AKAP9: variants seen among roughly 807,000 people sequenced by gnomAD.
AKAP9 encodes the protein A-kinase anchor protein 9.
A neutral mutation model predicts 488.5 loss-of-function variants in AKAP9; 311 were observed. The observed-to-expected ratio is 0.64, with a 90% CI of 0.58 to 0.70. The LOEUF is 0.70. AKAP9 is among the 30% of genes least tolerant of loss of function. The pLI, the probability that AKAP9 is intolerant of heterozygous loss-of-function variation, is 0.00. For synonymous variants in AKAP9, 1,462 were observed against 1,483.5 expected, an observed-to-expected ratio of 0.99 and a Z score of 0.33; for missense variants, 4,215 against 4,374.5, an observed-to-expected ratio of 0.96 and a Z score of 1.03.
intron 1 of AKAP9, among the ~76,000 whole-genome samples, chr7:91,949,812 T>C (rs1448123896): frequency 1.3e-5 from 2 of 152,230 alleles, no homozygotes; most frequent in East Asian, 3.8e-4. Flanking sequence ...TTTTGTAATA[T>C]GTAAAATTCC....
intron 5 of AKAP9, among the ~76,000 whole-genome samples, chr7:91,993,271 C>T (rs1798002460): frequency 2.0e-5 from 3 of 151,454 alleles, no homozygotes; most frequent in Admixed American, 1.3e-4. Context: ...CCACTGCATC[C>T]TCTGCTTCCT....
intron 26 of AKAP9, 90 bp from the exon 27 acceptor site, chr7:92,069,916 CAGATTTTGGAGCATTTTGGATTGT>C: frequency 1.1e-6 from 1 of 948,194 alleles, no homozygotes; most frequent in Non-Finnish European, 1.6e-6. Context: ...AAAAACGTTT[CAGATTTTGGAGCATTTTGGATTGT>C]AGATATCCAA....
intron 1 of AKAP9, among the ~76,000 whole-genome samples, chr7:91,952,941 T>C (rs959931410): frequency 1.3e-5 from 2 of 152,170 alleles, no homozygotes; most frequent in African/African-American, 4.8e-5. Flanking sequence ...TGCCTCAGCC[T>C]CCTGACTGAG....
intron 1 of AKAP9, among the ~76,000 whole-genome samples, chr7:91,952,371 AT>A (rs994820812): frequency 6.6e-6 from 1 of 152,240 alleles, no homozygotes; most frequent in African/African-American, 2.4e-5. Flanking sequence ...CATAAGCATT[AT>A]TTAGTTAGTA....
intron 11 of AKAP9, 58 bp downstream of exon 11, chr7:92,016,325 A>G: frequency 3.3e-6 from 4 of 1,226,958 alleles, no homozygotes; most frequent in Admixed American, 2.4e-5. Flanking sequence ...TTAATTGATG[A>G]CAGATTTTTA....
chr7:92,108,146 T>C (rs560256296), intron 48 of AKAP9, among the ~76,000 whole-genome samples: 15 of 152,338 alleles, frequency 9.8e-5, no homozygotes, highest in African/African-American at 2.2e-4. Flanking sequence ...TGTTATTTAG[T>C]GTATGCTATG....
intron 2 of AKAP9, among the ~76,000 whole-genome samples, chr7:91,974,440 C>A (rs546336726): frequency 6.6e-6 from 1 of 151,770 alleles, no homozygotes; most frequent in Admixed American, 6.6e-5. Flanking sequence ...TATATTTATC[C>A]CCTCAATTAT....
At chr7:92,016,938 A>G in intron 11 of AKAP9, 79 bp from the exon 12 acceptor site, 1 of 1,111,206 alleles carries the variant, frequency 9.0e-7, no homozygotes. Context: ...TAAGTTATAA[A>G]TAGGTGAATA....
At chr7:92,086,593 G>A (rs894709441) in intron 37 of AKAP9, among the ~76,000 whole-genome samples, 177 bp downstream of exon 37, 2 of 152,156 alleles carry the variant, frequency 1.3e-5, no homozygotes, top group African/African-American at 2.4e-5. Context: ...AAGACTGAAA[G>A]TTAATGAGCT....
intron 7 of AKAP9, among the ~76,000 whole-genome samples, chr7:91,998,352 C>A (rs185900253): frequency 6.9e-6 from 1 of 145,488 alleles, no homozygotes; most frequent in Non-Finnish European, 1.5e-5. Context: ...CCATTGGTGC[C>A]GTAGCATAGT....
chr7:92,009,863 A>G (rs1297004443), intron 8 of AKAP9, among the ~76,000 whole-genome samples: 4 of 152,132 alleles, frequency 2.6e-5, no homozygotes, highest in Non-Finnish European at 5.9e-5. Flanking sequence ...AAAAATCCAT[A>G]TGATAAATTT....
intron 8 of AKAP9, among the ~76,000 whole-genome samples, chr7:92,005,921 G>A (rs1188233698): frequency 1.3e-5 from 2 of 151,986 alleles, no homozygotes; most frequent in African/African-American, 4.8e-5. Flanking sequence ...CAACAGCCTC[G>A]GCCTCCCAAA....
In AKAP9 at chr7:92,000,898, G is replaced by A; in HGVS notation, c.981G>A (p.Lys327=). The A allele has an allele frequency of 7.0e-7, 1 of 1,435,892 alleles. No individual in the cohort carries two copies. The highest frequency in any genetic ancestry group is 9.4e-7 in the Non-Finnish European group (1 of 1,068,212). The allele number at this position is 1,435,892 out of a possible 1,614,324, so 88.9% of individuals were successfully genotyped here. ...CAAATAAAGAAGAAATACAGGAAAA[G>A]GAGACAATCATTGAAGAATTAAACA... is the stretch of plus-strand genomic sequence containing the variant. The part of the protein sequence containing the change: ...ENSNKEEIQE[K]ETIIEELNTK... Residue 327 remains lysine, a synonymous_variant, in exon 8 of 50, where the codon AAG becomes AAA. Coordinates refer to ENST00000356239, the MANE Select transcript of AKAP9 (RefSeq NM_005751.5).
At chr7:92,105,616 G>A in intron 46 of AKAP9, 62 bp from the exon 47 acceptor site, 3 of 1,192,914 alleles carry the variant, frequency 2.5e-6, no homozygotes, top group Non-Finnish European at 3.8e-6. Flanking sequence ...TGTGATTTTT[G>A]TAGGAAATGT....
chr7:91,948,668 A>T (rs567053187), intron 1 of AKAP9, among the ~76,000 whole-genome samples: 1 of 143,636 alleles, frequency 7.0e-6, no homozygotes, highest in South Asian at 2.2e-4. Flanking sequence ...CTTGAGTGCA[A>T]TGGCGCAACC....
At chr7:92,064,255 T>A (rs1319789918) in intron 24 of AKAP9, among the ~76,000 whole-genome samples, 1 of 152,110 alleles carries the variant, frequency 6.6e-6, no homozygotes, top group Non-Finnish European at 1.5e-5. Context: ...CATCTAATGT[T>A]GTTTTAAAAG....
intron 37 of AKAP9, among the ~76,000 whole-genome samples, chr7:92,087,487 T>C (rs998216659): frequency 6.6e-6 from 1 of 152,180 alleles, no homozygotes; most frequent in African/African-American, 2.4e-5. Context: ...AATTCACTTA[T>C]GAAAACTCTT....
At chr7:92,110,010 G>A (rs1446673252) in intron 49 of AKAP9, 112 bp from the exon 50 acceptor site, 2 of 820,970 alleles carry the variant, frequency 2.4e-6, no homozygotes, top group African/African-American at 1.7e-5. Context: ...GAAAAAAAGG[G>A]CTTTAAAAAA....
chr7:91,946,830 G>A (rs2130447817), intron 1 of AKAP9, among the ~76,000 whole-genome samples: 1 of 152,168 alleles, frequency 6.6e-6, no homozygotes, highest in South Asian at 2.1e-4. Context: ...AATATGACAA[G>A]AATGGAACAA....
Sources: allele counts gnomAD v4.1 joint callset (sites outside exome capture counted in the v4.1 genomes callset), GRCh38; gene constraint gnomAD v4.1.1; transcripts MANE v1.5; gene names NCBI Gene and HGNC (gene_info 2026-07-23, HGNC 2026-07-21).